KHK: variants seen among roughly 807,000 people sequenced by gnomAD.
KHK encodes the protein fructokinase.
A neutral mutation model predicts 36.0 loss-of-function variants in KHK; 37 were observed. The observed-to-expected ratio is 1.03, with a 90% CI of 0.79 to 1.35. The LOEUF (loss-of-function observed/expected upper bound fraction) is 1.35. Among genes scored for constraint, KHK ranks in the 40% most tolerant of loss-of-function variants. The pLI is 0.00. For missense variants in KHK, 395 were observed against 391.9 expected, an observed-to-expected ratio of 1.01 and a Z score of -0.07; for synonymous variants, 161 against 162.8, an observed-to-expected ratio of 0.99 and a Z score of 0.08.
In KHK at chr2:27,087,128, C is replaced by T. The variant is rs1669704470; in HGVS notation, c.-132C>T. ...ACCCCTGGCCGCTGCAGGTGGCTCC[C>T]TGGAGGAGGAGCTCCCACGCGGAGG... is the stretch of plus-strand genomic sequence containing the variant. On this transcript the variant is annotated 5_prime_UTR_variant, in exon 1 of 8. Transcript: ENST00000260598. The T allele has an allele frequency of 1.4e-6, 1 of 731,522 alleles. No homozygotes were observed. The highest frequency in any genetic ancestry group is 1.8e-5 in the African/African-American group (1 of 56,716). 45.3% of individuals were successfully genotyped at this position (731,522 alleles called of 1,614,324 possible). A position where few individuals can be genotyped will look rare whatever the true frequency, so the allele number is the denominator to read the frequency against.
At position 27,100,044 on chromosome 2, in the gene KHK, T is replaced by C. The variant is rs1670714339; in HGVS notation, c.*294T>C. On this transcript the variant is annotated 3_prime_UTR_variant, in exon 8 of 8. Coordinates refer to ENST00000260598, the MANE Select transcript of KHK (RefSeq NM_006488.3). ...CTGACTCTTCGATCCTCCCTCTTTG[T>C]GTCCATTCCCCAAATTAACCTCTCC... 1 of 639,890 alleles carries C rather than the reference T, an allele frequency of 1.6e-6. No individual in the cohort carries two copies. The highest frequency in any genetic ancestry group is 2.7e-6 in the Non-Finnish European group (1 of 367,218). The allele number at this position is 639,890 out of a possible 1,614,324, so 39.6% of individuals were successfully genotyped here. A position where few individuals can be genotyped will look rare whatever the true frequency, so the allele number is the denominator to read the frequency against.
chr2:27,093,121 C>T (rs2148345753), intron 2 of KHK, among the ~76,000 whole-genome samples: 1 of 152,358 alleles, frequency 6.6e-6, no homozygotes, highest in East Asian at 1.9e-4. Flanking sequence ...CCACACTTTG[C>T]ACACTGTGGG....
rs775751684 is a variant in KHK, at chr2:27,097,577, G to C, written c.492G>C (p.Gln164His). 5 of 1,613,950 alleles carry C rather than the reference G, an allele frequency of 3.1e-6. No homozygotes were observed. The South Asian group carries it at 3.3e-5, about 11-fold the overall frequency. Residue 164 changes from glutamine to histidine, a missense_variant, in exon 5 of 8, where the codon CAG becomes CAC. Coordinates refer to ENST00000260598, the MANE Select transcript of KHK (RefSeq NM_006488.3). The part of the protein sequence containing the change: ...DAHNTRQPPE[Q>H]KIRVSVEVEK... ...ACAACACCAGGCAGCCTCCAGAGCAGAAGATCCGGGTGTCCGTGGAGGTGG... is the reference window on the plus strand; with the variant it reads ...ACAACACCAGGCAGCCTCCAGAGCACAAGATCCGGGTGTCCGTGGAGGTGG...
At chr2:27,092,581 G>A (rs1011129254) in intron 2 of KHK, 133 bp downstream of exon 2, 7 of 716,200 alleles carry the variant, frequency 9.8e-6, no homozygotes, top group African/African-American at 1.7e-5. Context: ...GAGGGGGCAT[G>A]GCGGAGCACC....
rs748925154 is a variant in KHK, at chr2:27,099,650, T to C, written c.812-15T>C. 6.2e-7 allele frequency: 1 copy of C among 1,614,150 alleles called. No individual in the cohort carries two copies. On this transcript the variant is annotated splice_polypyrimidine_tract_variant and intron_variant, in intron 7 of 7. Transcript: ENST00000260598. Reference sequence around the variant, plus strand: ...CCAAACACCTGGCTGACCTAGCTACTTGCCCCTCCTCCAGGGAGGAGCGTG... The same window carrying C: ...CCAAACACCTGGCTGACCTAGCTACCTGCCCCTCCTCCAGGGAGGAGCGTG...
chr2:27,099,010 A>G, intron 5 of KHK, 186 bp from the exon 6 acceptor site: 1 of 621,228 alleles, frequency 1.6e-6, no homozygotes, highest in Non-Finnish European at 3.0e-6. Flanking sequence ...GACCAGCCTC[A>G]GGGAGACCAT....
chr2:27,098,011 AG>A (rs1178276653), intron 5 of KHK, among the ~76,000 whole-genome samples: 1 of 152,000 alleles, frequency 6.6e-6, no homozygotes, highest in Non-Finnish European at 1.5e-5. Flanking sequence ...CTGTTCTCTG[AG>A]GTTTCTTCCA....
At position 27,096,772 on chromosome 2, in the gene KHK, C is replaced by A; in HGVS notation, c.388C>A (p.Leu130Met). The A allele has an allele frequency of 6.2e-7, 1 of 1,614,104 alleles. No homozygotes were observed. Among genetic ancestry groups the A allele is most frequent in the Non-Finnish European group, 8.5e-7 (1 of 1,180,002 alleles). ...VSATDFEKVD[L>M]TQFKWIHIEG... is the part of the protein sequence containing the mutation. ...TGCTACAGACTTTGAGAAGGTTGAT[C>A]TGACCCAGTTCAAGTGGATCCACAT... is the stretch of plus-strand genomic sequence containing the variant. The change falls in exon 4 of 8, where the codon CTG becomes ATG. Residue 130 changes from leucine (L) to methionine (M), a missense_variant. Coordinates refer to ENST00000260598, the MANE Select transcript of KHK (RefSeq NM_006488.3).
Position 27,099,750 on chromosome 2 carries a change from A to T in KHK, c.897A>T (p.Ter299CysextTer80). The T allele has an allele frequency of 6.2e-7, 1 of 1,613,890 alleles. No individual in the cohort carries two copies. Residue 299 changes from the stop codon to cysteine, a stop_lost, in exon 8 of 8, where the codon TGA (stop) becomes TGT (cysteine). Transcript: ENST00000260598. Reference protein sequence around the residue: ...CGLQGFDGIV* With the variant: ...CGLQGFDGIVC Reference sequence around the variant, plus strand: ...TGCAGGGCTTTGATGGCATCGTGTGAGAGCAGGTGCCGGCTCCTCACACAC... The same window carrying T: ...TGCAGGGCTTTGATGGCATCGTGTGTGAGCAGGTGCCGGCTCCTCACACAC...
chr2:27,094,149 G>C, intron 2 of KHK: 1 of 417,468 alleles, frequency 2.4e-6, no homozygotes, highest in Non-Finnish European at 4.5e-6. Context: ...CAGTGTACAG[G>C]TTCTAGGGTC....
rs140831567 is a variant in KHK at position 27,096,484 on chromosome 2, CAT to C, written c.345-244_345-243del. Among the ~76,000 whole-genome samples the C allele has an allele frequency of 3.3e-3, 506 of 152,282 alleles. 1 individual carries two copies. Among genetic ancestry groups the C allele is most frequent in the African/African-American group, 0.012 (484 of 41,560 alleles). ...AAGGCACACAGACCTTGCCAGTTGA[CAT>C]GTGTTGCAGTTCAGTTTACCGAGAT... On this transcript the variant is annotated intron_variant, in intron 3 of 7. Transcript: ENST00000260598.
At position 27,090,744 on chromosome 2, in the gene KHK, C is replaced by T. The variant is rs138782618; in HGVS notation, c.93-1588C>T. Among the ~76,000 whole-genome samples the T allele has an allele frequency of 4.2e-3, 644 of 151,840 alleles. 5 individuals carry two copies. The highest frequency in any genetic ancestry group is 0.014 in the African/African-American group (589 of 41,528). On this transcript the variant is annotated intron_variant, in intron 1 of 7. Coordinates refer to ENST00000260598, the MANE Select transcript of KHK (RefSeq NM_006488.3). ...CTGAGATTATGGGCGTGAGCCACTG[C>T]GCCCGGCCAGCTTGAAAATCTTTGA... is the stretch of plus-strand genomic sequence containing the variant.
In KHK at chr2:27,092,314, C is replaced by A; in HGVS notation, c.93-18C>A. 1 of 1,594,772 alleles carries A rather than the reference C, an allele frequency of 6.3e-7. No individual in the cohort carries two copies. The highest frequency in any genetic ancestry group is 1.3e-5 in the African/African-American group (1 of 74,708). ...ATCAGCCTGCTGGGGCTGCAGGGAC[C>A]CTCCCTGTGCTTTGCAGGTGTTTGT... On this transcript the variant is annotated intron_variant, in intron 1 of 7. Transcript: ENST00000260598.
In KHK at chr2:27,096,753, A is replaced by G; in HGVS notation, c.369A>G (p.Thr123=). 6.2e-7 allele frequency: 1 copy of G among 1,614,084 alleles called. No individual in the cohort carries two copies. Among genetic ancestry groups the G allele is most frequent in the South Asian group, 1.1e-5 (1 of 91,080 alleles). ...GGAGCCTGCCAGATGTGTCTGCTACAGACTTTGAGAAGGTTGATCTGACCC... is the reference window on the plus strand; with the variant it reads ...GGAGCCTGCCAGATGTGTCTGCTACGGACTTTGAGAAGGTTGATCTGACCC... ...HDTSLPDVSA[T]DFEKVDLTQF... The change falls in exon 4 of 8, where the codon ACA becomes ACG. Residue 123 remains threonine, a synonymous_variant. Coordinates refer to ENST00000260598, the MANE Select transcript of KHK (RefSeq NM_006488.3).
intron 1 of KHK, 27 bp downstream of exon 1, chr2:27,087,378 ACC>A: frequency 4.0e-6 from 6 of 1,517,202 alleles, no homozygotes; most frequent in Non-Finnish European, 5.4e-6. Flanking sequence ...CCCCTAGGGG[ACC>A]CCAGGGGCTG....
At chr2:27,092,764 T>A (rs1670094456) in intron 2 of KHK, among the ~76,000 whole-genome samples, 1 of 152,138 alleles carries the variant, frequency 6.6e-6, no homozygotes, top group Non-Finnish European at 1.5e-5. Context: ...GCCTTTGCCT[T>A]ATCTTAAGTC....
intron 1 of KHK, among the ~76,000 whole-genome samples, chr2:27,091,681 G>C (rs1169901857): frequency 1.3e-5 from 2 of 152,182 alleles, no homozygotes; most frequent in Non-Finnish European, 2.9e-5. Context: ...CTATGTGGAA[G>C]TTATCATTTT....
intron 1 of KHK, among the ~76,000 whole-genome samples, chr2:27,087,588 C>G (rs1251351439): frequency 1.3e-5 from 2 of 151,554 alleles, no homozygotes; most frequent in East Asian, 3.9e-4. Flanking sequence ...AGCCAATTTC[C>G]ATTTCAACTC....
At chr2:27,091,803 T>A (rs1448551072) in intron 1 of KHK, among the ~76,000 whole-genome samples, 1 of 152,230 alleles carries the variant, frequency 6.6e-6, no homozygotes, top group African/African-American at 2.4e-5. Context: ...ACGACCAACG[T>A]CCAGGTTTGC....
Sources: gnomAD v4.1 joint callset for allele counts (sites outside exome capture counted in the v4.1 genomes callset) on GRCh38, gnomAD v4.1.1 for gene constraint, MANE v1.5 for transcripts, NCBI Gene and HGNC (gene_info 2026-07-23, HGNC 2026-07-21) for gene names.